The following GRID2 variants were observed in gnomAD, a reference collection of about 807,000 sequenced individuals.
GRID2 encodes the protein glutamate ionotropic receptor delta type subunit 2.
GRID2 carries 33 observed loss-of-function variants against 114.8 expected under a neutral mutation model. That is an observed-to-expected ratio of 0.29 (90% confidence interval 0.22 to 0.38). The LOEUF is 0.38. Among genes scored for constraint, GRID2 ranks in the 10% least tolerant of loss-of-function variants. The pLI is 1.00. For missense variants in GRID2, 1,184 were observed against 1,257.7 expected, an observed-to-expected ratio of 0.94 and a Z score of 0.89; for synonymous variants, 505 against 449.9, an observed-to-expected ratio of 1.12 and a Z score of -1.55.
chr4:93,287,475 G>C (rs1753305780), intron 8 of GRID2, among the ~76,000 whole-genome samples: 1 of 152,054 alleles, frequency 6.6e-6, no homozygotes, highest in Admixed American at 6.6e-5. Context: ...CAAACACTCT[G>C]TTATTATTAT....
chr4:93,793,229 G>C (rs752751329), intron 1 of GRID2, among the ~76,000 whole-genome samples: 1 of 152,046 alleles, frequency 6.6e-6, no homozygotes, highest in Non-Finnish European at 1.5e-5. Flanking sequence ...TTGGTGTTTC[G>C]ATGGATCCAC....
intron 2 of GRID2, among the ~76,000 whole-genome samples, chr4:92,673,516 T>G (rs1180412953): frequency 6.6e-6 from 1 of 152,226 alleles, no homozygotes; most frequent in Non-Finnish European, 1.5e-5. Context: ...CCCTCTACGC[T>G]TAAGGAGTTT....
intron 7 of GRID2, among the ~76,000 whole-genome samples, chr4:93,234,791 C>T (rs935114796): frequency 1.3e-5 from 2 of 151,976 alleles, no homozygotes; most frequent in African/African-American, 4.8e-5. Flanking sequence ...ATCAGGGCTC[C>T]CTGCTGAGTC....
chr4:92,448,285 C>T (rs998943396), intron 1 of GRID2, among the ~76,000 whole-genome samples: 1 of 152,080 alleles, frequency 6.6e-6, no homozygotes, highest in Non-Finnish European at 1.5e-5. Flanking sequence ...AGTGATTCTC[C>T]TGTCTCAGCC....
intron 9 of GRID2, among the ~76,000 whole-genome samples, chr4:93,421,903 C>T (rs1327160415): frequency 6.6e-6 from 1 of 151,534 alleles, no homozygotes; most frequent in African/African-American, 2.4e-5. Flanking sequence ...AAATTTTAGC[C>T]TGCCCAGAGG....
At chr4:92,795,444 G>A (rs929869021) in intron 2 of GRID2, among the ~76,000 whole-genome samples, 2 of 151,920 alleles carry the variant, frequency 1.3e-5, no homozygotes, top group African/African-American at 4.8e-5. Context: ...ATGTGAAACT[G>A]TAAATCCAAT....
chr4:93,505,184 G>T (rs1728510638), intron 12 of GRID2, among the ~76,000 whole-genome samples: 1 of 151,836 alleles, frequency 6.6e-6, no homozygotes, highest in Non-Finnish European at 1.5e-5. Context: ...CAACTCTCTG[G>T]TATTATGATT....
chr4:93,759,383 T>C (rs754440004), intron 14 of GRID2, among the ~76,000 whole-genome samples: 9 of 152,176 alleles, frequency 5.9e-5, no homozygotes, highest in Admixed American at 5.9e-4. Flanking sequence ...CTATAAATTA[T>C]GATGGGTCTT....
intron 1 of GRID2, among the ~76,000 whole-genome samples, chr4:92,501,436 A>T (rs1024375452): frequency 1.3e-5 from 2 of 152,192 alleles, no homozygotes; most frequent in African/African-American, 4.8e-5. Context: ...CCCACAAAAC[A>T]GGGTTGGCAC....
Position 92,581,063 on chromosome 4 carries a change from A to G in GRID2, c.89-9068A>G, listed in dbSNP as rs1359622685. Among the ~76,000 whole-genome samples the G allele has an allele frequency of 2.0e-5, 3 of 151,918 alleles. No homozygotes were observed. In the East Asian group the frequency reaches 5.8e-4, roughly 29 times the overall value. ...ATGCAATAGAGAAAGAGACTGCAAC[A>G]TAGCACACAAGGTTCTGGTTGAATC... On this transcript the variant is annotated intron_variant, in intron 1 of 15. Transcript: ENST00000282020.
intron 2 of GRID2, among the ~76,000 whole-genome samples, chr4:92,748,925 C>T (rs1178023283): frequency 6.6e-6 from 1 of 151,902 alleles, no homozygotes; most frequent in African/African-American, 2.4e-5. Flanking sequence ...CAGCCTCCCA[C>T]AGTGAGATTA....
intron 9 of GRID2, among the ~76,000 whole-genome samples, chr4:93,410,734 C>T (rs1767038169): frequency 6.6e-6 from 1 of 152,178 alleles, no homozygotes; most frequent in Non-Finnish European, 1.5e-5. Context: ...CAGGCATGCG[C>T]CAACATGCCT....
intron 1 of GRID2, among the ~76,000 whole-genome samples, chr4:92,574,661 T>C (rs988523197): frequency 6.6e-6 from 1 of 152,186 alleles, no homozygotes; most frequent in Non-Finnish European, 1.5e-5. Context: ...CTCCAATCTC[T>C]GGGTTTTAGG....
intron 1 of GRID2, among the ~76,000 whole-genome samples, chr4:92,384,433 A>AATATATATAT (rs372161362): frequency 2.6e-4 from 8 of 30,256 alleles, no homozygotes; most frequent in Non-Finnish European, 3.6e-4. Context: ...TGTGTGTAGG[A>AATATATATAT]ATATATATAT....
chr4:93,114,077 A>G (rs1733019269), intron 4 of GRID2, among the ~76,000 whole-genome samples: 2 of 152,202 alleles, frequency 1.3e-5, no homozygotes, highest in South Asian at 4.1e-4. Context: ...GGATAAAACA[A>G]GCTGAGCCTT....
rs890581298 is a variant in GRID2, at chr4:93,119,617, A to C, written c.735+8664A>C. On this transcript the variant is annotated intron_variant, in intron 4 of 15. Transcript: ENST00000282020. Reference sequence around the variant, plus strand: ...TATTTCACAGTAAGAAAAGGTTATTATTATCTTGTATTCCTTAAACATACT... The same window carrying C: ...TATTTCACAGTAAGAAAAGGTTATTCTTATCTTGTATTCCTTAAACATACT... 3.3e-5 allele frequency among the ~76,000 whole-genome samples: 5 copies of C among 152,186 alleles called. No individual in the cohort carries two copies. The East Asian group carries it at 9.6e-4, about 29-fold the overall frequency.
At chr4:92,489,916 A>G (rs1315137696) in intron 1 of GRID2, among the ~76,000 whole-genome samples, 1 of 152,104 alleles carries the variant, frequency 6.6e-6, no homozygotes, top group Admixed American at 6.6e-5. Context: ...AAATTCATGA[A>G]AGTTTAAAAT....
At chr4:93,103,738 T>C (rs939617935) in intron 3 of GRID2, among the ~76,000 whole-genome samples, 1 of 152,080 alleles carries the variant, frequency 6.6e-6, no homozygotes, top group African/African-American at 2.4e-5. Context: ...TTCATAATCT[T>C]TGATTTTCTC....
Position 93,730,538 on chromosome 4 carries a change from G to T in GRID2, c.2361-38672G>T, listed in dbSNP as rs190849176. Among the ~76,000 whole-genome samples, 415 of 152,272 alleles carry T rather than the reference G, an allele frequency of 2.7e-3. 6 individuals are homozygous for T. The highest frequency in any genetic ancestry group is 0.024 in the Admixed American group (369 of 15,298). On this transcript the variant is annotated intron_variant, in intron 14 of 15. Coordinates refer to ENST00000282020, the MANE Select transcript of GRID2 (RefSeq NM_001510.4). ...GTAGTGTAATCAACAGGCTGAACTGGAGAGCCAAGAGAGCATTGGCTCCCC... is the reference window on the plus strand; with the variant it reads ...GTAGTGTAATCAACAGGCTGAACTGTAGAGCCAAGAGAGCATTGGCTCCCC...
Sources: allele counts gnomAD v4.1 joint callset (sites outside exome capture counted in the v4.1 genomes callset), GRCh38; gene constraint gnomAD v4.1.1; transcripts MANE v1.5; gene names NCBI Gene and HGNC (gene_info 2026-07-23, HGNC 2026-07-21).